Variants in BLTP3B observed in about 807,000 individuals in gnomAD.
BLTP3B encodes the protein UHRF1 (ICBP90) binding protein 1-like.
chr12:100,045,050 A>G, the BLTP3B span, among the ~76,000 whole-genome samples: 1 of 152,242 alleles, frequency 6.6e-6, no homozygotes, highest in Non-Finnish European at 1.5e-5. Context: ...AAGGGAAGTG[A>G]GGGACCTCTT....
At chr12:100,131,164 C>T in the BLTP3B span, among the ~76,000 whole-genome samples, 1 of 151,606 alleles carries the variant, frequency 6.6e-6, no homozygotes, top group Admixed American at 6.6e-5. Context: ...TACAATAATT[C>T]ACCAGGCAAG....
the BLTP3B span, among the ~76,000 whole-genome samples, chr12:100,055,005 T>C: frequency 6.6e-6 from 1 of 152,194 alleles, no homozygotes; most frequent in African/African-American, 2.4e-5. Context: ...AAGGGTGGTT[T>C]AATAAATGTT....
At chr12:100,050,223 T>C in the BLTP3B span, 3 of 1,609,372 alleles carry the variant, frequency 1.9e-6, no homozygotes, top group Non-Finnish European at 1.7e-6. Flanking sequence ...ATTGGTCTGG[T>C]GTCACCTGGT....
chr12:100,086,375 G>GT, the BLTP3B span: 1 of 675,382 alleles, frequency 1.5e-6, no homozygotes, highest in Admixed American at 2.9e-5. Flanking sequence ...AAAAAAAAGG[G>GT]GGGGGGGGAA....
chr12:100,047,691 A>AACTCATTAAAAAT, the BLTP3B span: 1 of 1,340,906 alleles, frequency 7.5e-7, no homozygotes, highest in Non-Finnish European at 1.1e-6. Context: ...TCATATTTTT[A>AACTCATTAAAAAT]ATGAGTTAAA....
the BLTP3B span, among the ~76,000 whole-genome samples, chr12:100,040,187 C>T: frequency 6.6e-6 from 1 of 152,108 alleles, no homozygotes; most frequent in South Asian, 2.1e-4. Flanking sequence ...ACCAACCTTA[C>T]AGAAATAAAA....
chr12:100,138,852 T>TATACAC, the BLTP3B span, among the ~76,000 whole-genome samples: 2 of 144,802 alleles, frequency 1.4e-5, no homozygotes, highest in Non-Finnish European at 1.5e-5. Flanking sequence ...TGTACATGTG[T>TATACAC]ATACACATAC....
chr12:100,043,272 T>A, the BLTP3B span, among the ~76,000 whole-genome samples: 1 of 152,220 alleles, frequency 6.6e-6, no homozygotes, highest in Non-Finnish European at 1.5e-5. Context: ...AAAGTATGCC[T>A]GCATAAGGAA....
At chr12:100,103,727 C>T in the BLTP3B span, among the ~76,000 whole-genome samples, 1 of 152,096 alleles carries the variant, frequency 6.6e-6, no homozygotes, top group African/African-American at 2.4e-5. Context: ...TTTAAAGATG[C>T]TCCTACTTTA....
chr12:100,057,540 T>C, the BLTP3B span: 5 of 1,578,518 alleles, frequency 3.2e-6, no homozygotes, highest in South Asian at 5.8e-5. Context: ...ATGTACGTAA[T>C]ATGAATTCTT....
At chr12:100,084,686 T>A in the BLTP3B span, 1 of 1,592,718 alleles carries the variant, frequency 6.3e-7, no homozygotes, top group Non-Finnish European at 8.6e-7. Context: ...GGTATTTCAT[T>A]GAAAAATGTA....
chr12:100,103,990 A>C, the BLTP3B span: 2 of 1,505,476 alleles, frequency 1.3e-6, no homozygotes, highest in Non-Finnish European at 1.8e-6. Flanking sequence ...TCAATCATTA[A>C]GAAGAAAATA....
At chr12:100,080,080 T>G in the BLTP3B span, among the ~76,000 whole-genome samples, 1 of 152,178 alleles carries the variant, frequency 6.6e-6, no homozygotes, top group Admixed American at 6.5e-5. Flanking sequence ...GGGGCCCTCA[T>G]GGAGAACCTC....
At chr12:100,140,729 A>AAAAAAAAAATATATATATAT in the BLTP3B span, among the ~76,000 whole-genome samples, 1 of 61,490 alleles carries the variant, frequency 1.6e-5, no homozygotes, top group African/African-American at 1.0e-4. Context: ...AAAAAAAAAA[A>AAAAAAAAAATATATATATAT]ATATATATAT....
chr12:100,141,529 A>T, the BLTP3B span, among the ~76,000 whole-genome samples: 1 of 152,088 alleles, frequency 6.6e-6, no homozygotes, highest in Admixed American at 6.6e-5. Context: ...TGAGGAAAAT[A>T]TTTGCTGAAT....
At chr12:100,058,062 G>A in the BLTP3B span, 3 of 1,582,386 alleles carry the variant, frequency 1.9e-6, no homozygotes, top group East Asian at 2.2e-5. Flanking sequence ...TGTTCTAACT[G>A]GGGGGGTCTC....
chr12:100,097,367 T>C, the BLTP3B span: 2 of 1,609,348 alleles, frequency 1.2e-6, no homozygotes, highest in Non-Finnish European at 1.7e-6. Context: ...TGACTCACCC[T>C]TCTTTTAAGT....
At chr12:100,083,184 A>T in the BLTP3B span, 10 of 1,355,748 alleles carry the variant, frequency 7.4e-6, no homozygotes, top group East Asian at 2.3e-4. Context: ...TATTTTTAAC[A>T]GTCACTCTTT....
chr12:100,046,798 CATA>C, the BLTP3B span, among the ~76,000 whole-genome samples: 1 of 152,086 alleles, frequency 6.6e-6, no homozygotes, highest in African/African-American at 2.4e-5. Context: ...ATAAAATCCA[CATA>C]ATGATGAGCA....
Sources: allele counts gnomAD v4.1 joint callset (sites outside exome capture counted in the v4.1 genomes callset), GRCh38; gene constraint gnomAD v4.1.1; transcripts MANE v1.5; gene names NCBI Gene and HGNC (gene_info 2026-07-23, HGNC 2026-07-21).